The following ATXN1 variants were observed in gnomAD, a reference collection of about 807,000 sequenced individuals.
ATXN1 encodes the protein ataxin-1.
A neutral mutation model predicts 56.4 loss-of-function variants in ATXN1; 8 were observed. That is an observed-to-expected ratio of 0.14 (90% CI 0.08 to 0.26). The LOEUF is 0.26. ATXN1 is among the 10% of genes least tolerant of loss of function. The pLI is 1.00. For missense variants in ATXN1, 987 were observed against 1,106.5 expected, an observed-to-expected ratio of 0.89 and a Z score of 1.53; for synonymous variants, 514 against 494.6, an observed-to-expected ratio of 1.04 and a Z score of -0.52.
At chr6:16,635,323 A>G (rs140541338) in intron 3 of ATXN1, among the ~76,000 whole-genome samples, 4,429 of 152,298 alleles carry the variant, frequency 0.029, 102 homozygotes, top group Non-Finnish European at 0.044. Context: ...TTCATTATAT[A>G]TTACAACATA....
chr6:16,726,380 CAAAA>C (rs10716233), intron 2 of ATXN1, among the ~76,000 whole-genome samples: 2 of 124,260 alleles, frequency 1.6e-5, no homozygotes, highest in Non-Finnish European at 3.4e-5. Context: ...GACTCTGTCT[CAAAA>C]AAAAAAAAAA....
intron 6 of ATXN1, among the ~76,000 whole-genome samples, chr6:16,453,098 T>C (rs905191425): frequency 1.3e-5 from 2 of 152,132 alleles, no homozygotes; most frequent in Admixed American, 6.5e-5. Flanking sequence ...CGTGAGAAAA[T>C]AAAAAAACTG....
At chr6:16,378,601 CGAGGCTG>C (rs1301905765) in intron 6 of ATXN1, among the ~76,000 whole-genome samples, 1 of 151,612 alleles carries the variant, frequency 6.6e-6, no homozygotes, top group African/African-American at 2.4e-5. Context: ...ACTCTGTCAC[CGAGGCTG>C]GAGTGCAGTG....
intron 7 of ATXN1, among the ~76,000 whole-genome samples, chr6:16,310,351 C>T (rs892994300): frequency 5.9e-5 from 9 of 151,952 alleles, no homozygotes; most frequent in Non-Finnish European, 8.8e-5. Flanking sequence ...AAAAGGTATT[C>T]TTTAGGTAGA....
chr6:16,321,832 G>A (rs768257731), intron 7 of ATXN1, among the ~76,000 whole-genome samples: 2 of 152,106 alleles, frequency 1.3e-5, no homozygotes, highest in Non-Finnish European at 2.9e-5. Context: ...TTTGTTAACC[G>A]ACGCTAATAA....
chr6:16,588,752 A>G (rs1762671799), intron 3 of ATXN1, among the ~76,000 whole-genome samples: 1 of 152,222 alleles, frequency 6.6e-6, no homozygotes, highest in South Asian at 2.1e-4. Flanking sequence ...TGGGCACTCA[A>G]TAAAATCTTC....
rs910539205 is a variant in ATXN1, at chr6:16,301,770, C to G, written c.*4559G>C. On this transcript the variant is annotated 3_prime_UTR_variant, in exon 8 of 8. Coordinates refer to ENST00000436367, the MANE Select transcript of ATXN1 (RefSeq NM_001128164.2). ...GTTCATGAAACAGTAGCCATGACAA[C>G]CAACACAGCTCAAGAAGCCCGGCCT... The G allele has an allele frequency of 6.6e-6, 1 of 152,632 alleles. No individual in the cohort carries two copies. Among genetic ancestry groups the G allele is most frequent in the Non-Finnish European group, 1.5e-5 (1 of 68,048 alleles). 9.5% of individuals were successfully genotyped at this position (152,632 alleles called of 1,614,324 possible). A position where few individuals can be genotyped will look rare whatever the true frequency, so the allele number is the denominator to read the frequency against.
intron 6 of ATXN1, among the ~76,000 whole-genome samples, chr6:16,454,275 G>C (rs958011652): frequency 1.6e-4 from 25 of 152,072 alleles, no homozygotes; most frequent in African/African-American, 5.8e-4. Context: ...GAGCTGACCA[G>C]GAACTGAATT....
At chr6:16,703,757 C>T (rs1201429390) in intron 2 of ATXN1, among the ~76,000 whole-genome samples, 2 of 152,308 alleles carry the variant, frequency 1.3e-5, no homozygotes, top group Middle Eastern at 3.4e-3. Flanking sequence ...CAGTGGCTCA[C>T]GACTGTAATC....
rs79777883 is a variant in ATXN1, at chr6:16,483,589, G to T, written c.-161+2383C>A. 1.6e-3 allele frequency among the ~76,000 whole-genome samples: 243 copies of T among 152,306 alleles called. 6 individuals are homozygous for T. In the East Asian group the frequency reaches 0.041, roughly 26 times the overall value. ...AAAGAAAGTACTTAGCATGCACAAA[G>T]AGTTCACTAGAATTTGGTATTTCCT... is the stretch of plus-strand genomic sequence containing the variant. On this transcript the variant is annotated intron_variant, in intron 6 of 7. Coordinates refer to ENST00000436367, the MANE Select transcript of ATXN1 (RefSeq NM_001128164.2).
chr6:16,342,541 A>C (rs1010237952), intron 6 of ATXN1, among the ~76,000 whole-genome samples: 1 of 152,180 alleles, frequency 6.6e-6, no homozygotes, highest in African/African-American at 2.4e-5. Context: ...CAAAGCACTG[A>C]AAGCAGGGAC....
chr6:16,414,435 A>AT (rs1257834610), intron 6 of ATXN1, among the ~76,000 whole-genome samples: 2 of 152,238 alleles, frequency 1.3e-5, no homozygotes, highest in African/African-American at 4.8e-5. Flanking sequence ...TTAAGCTATT[A>AT]TAAGAAAGCT....
At chr6:16,449,137 T>C (rs961443792) in intron 6 of ATXN1, among the ~76,000 whole-genome samples, 6 of 151,904 alleles carry the variant, frequency 3.9e-5, no homozygotes, top group Admixed American at 6.6e-5. Flanking sequence ...AGCGCTACCA[T>C]TGCTTTTTTT....
intron 6 of ATXN1, among the ~76,000 whole-genome samples, chr6:16,358,899 A>T (rs998435196): frequency 6.6e-6 from 1 of 152,210 alleles, no homozygotes; most frequent in Non-Finnish European, 1.5e-5. Flanking sequence ...CATTCCAGGA[A>T]GCAGGCAGGA....
intron 6 of ATXN1, among the ~76,000 whole-genome samples, chr6:16,399,447 G>C (rs1458862046): frequency 6.6e-6 from 1 of 152,194 alleles, no homozygotes; most frequent in African/African-American, 2.4e-5. Context: ...AAGTAATCAG[G>C]CCGTCAAATA....
At chr6:16,491,294 T>A (rs1433854953) in intron 5 of ATXN1, among the ~76,000 whole-genome samples, 3 of 143,224 alleles carry the variant, frequency 2.1e-5, no homozygotes, top group Non-Finnish European at 4.6e-5. Flanking sequence ...TTTTTTTTTT[T>A]TTTTTTTGAT....
chr6:16,442,221 A>G (rs1459137015), intron 6 of ATXN1, among the ~76,000 whole-genome samples: 1 of 152,206 alleles, frequency 6.6e-6, no homozygotes, highest in Non-Finnish European at 1.5e-5. Flanking sequence ...TACCCAGCCA[A>G]AATGATCTTC....
At chr6:16,375,420 T>C (rs1762123388) in intron 6 of ATXN1, among the ~76,000 whole-genome samples, 1 of 152,252 alleles carries the variant, frequency 6.6e-6, no homozygotes, top group East Asian at 1.9e-4. Context: ...GCAATTCCTT[T>C]ATCCACTACA....
intron 3 of ATXN1, among the ~76,000 whole-genome samples, chr6:16,639,650 G>A (rs1195322663): frequency 1.3e-5 from 2 of 152,136 alleles, no homozygotes; most frequent in African/African-American, 4.8e-5. Flanking sequence ...GAGCTCCAAG[G>A]GGCCAGGGAA....
Sources: allele counts gnomAD v4.1 joint callset (sites outside exome capture counted in the v4.1 genomes callset), GRCh38; gene constraint gnomAD v4.1.1; transcripts MANE v1.5; gene names NCBI Gene and HGNC (gene_info 2026-07-23, HGNC 2026-07-21).